The following MAP4K3 variants were observed in gnomAD, a reference collection of about 807,000 sequenced individuals.
MAP4K3 encodes the protein mitogen-activated protein kinase kinase kinase kinase 3.
MAP4K3 carries 94 observed loss-of-function variants against 143.5 expected under a neutral mutation model. The observed-to-expected ratio is 0.65, with a 90% CI of 0.55 to 0.78. The LOEUF is 0.78. MAP4K3 is among the 30% of genes least tolerant of loss of function. The pLI, the probability that MAP4K3 is intolerant of heterozygous loss-of-function variation, is 0.00. For synonymous variants in MAP4K3, 416 were observed against 347.2 expected (o/e 1.20, Z -2.20); for missense variants, 1,077 against 1,068.1 (o/e 1.01, Z -0.12).
intron 12 of MAP4K3, among the ~76,000 whole-genome samples, chr2:39,324,793 T>C (rs550043798): frequency 2.5e-4 from 38 of 152,328 alleles, no homozygotes; most frequent in African/African-American, 7.7e-4. Flanking sequence ...GTGCTAGGAA[T>C]GTTACATATG....
chr2:39,251,356 T>C (rs1680150363), intron 33 of MAP4K3, among the ~76,000 whole-genome samples: 1 of 152,248 alleles, frequency 6.6e-6, no homozygotes, highest in Admixed American at 6.5e-5. Flanking sequence ...TATGTATCTA[T>C]GCCCTAAGCT....
chr2:39,416,420 C>T (rs1667382404), intron 1 of MAP4K3, among the ~76,000 whole-genome samples: 1 of 152,072 alleles, frequency 6.6e-6, no homozygotes, highest in Non-Finnish European at 1.5e-5. Flanking sequence ...GTGCAAGAGA[C>T]ATATGTGAAG....
chr2:39,266,315 T>C (rs1861735), intron 27 of MAP4K3, among the ~76,000 whole-genome samples: 134,760 of 152,166 alleles, frequency 0.89, 59,870 homozygotes, highest in Non-Finnish European at 0.92. Flanking sequence ...CACACCCAGA[T>C]ACTCCTTCCC....
chr2:39,372,545 T>G (rs1015426445), intron 2 of MAP4K3, among the ~76,000 whole-genome samples: 1 of 148,960 alleles, frequency 6.7e-6, no homozygotes, highest in African/African-American at 2.5e-5. Context: ...CAAATTATAC[T>G]ACAGAGCTAT....
chr2:39,257,667 CGG>C (rs1412129798), intron 31 of MAP4K3, among the ~76,000 whole-genome samples: 1 of 151,384 alleles, frequency 6.6e-6, no homozygotes, highest in African/African-American at 2.4e-5. Flanking sequence ...GGGGTGGTGG[CGG>C]GCGCCTGTAA....
At chr2:39,417,921 G>A (rs1667428969) in intron 1 of MAP4K3, among the ~76,000 whole-genome samples, 2 of 152,122 alleles carry the variant, frequency 1.3e-5, no homozygotes, top group Non-Finnish European at 2.9e-5. Context: ...ACAAAATGAT[G>A]GCTGGGTGCA....
chr2:39,285,795 G>A (rs1036274379), intron 21 of MAP4K3, among the ~76,000 whole-genome samples: 16 of 152,150 alleles, frequency 1.1e-4, no homozygotes, highest in African/African-American at 1.7e-4. Flanking sequence ...TATTCATCTT[G>A]TTGACATCTG....
intron 19 of MAP4K3, 62 bp from the exon 20 acceptor site, chr2:39,288,342 A>G: frequency 7.0e-7 from 1 of 1,429,804 alleles, no homozygotes; most frequent in Non-Finnish European, 9.8e-7. Flanking sequence ...TGAAGTAAGT[A>G]CTATTATACA....
intron 2 of MAP4K3, among the ~76,000 whole-genome samples, chr2:39,371,866 C>T (rs1010818858): frequency 6.6e-6 from 1 of 150,868 alleles, no homozygotes; most frequent in African/African-American, 2.4e-5. Context: ...TATCTATATA[C>T]ATCCTCTTGC....
At chr2:39,414,380 G>A (rs992188389) in intron 1 of MAP4K3, among the ~76,000 whole-genome samples, 1 of 152,078 alleles carries the variant, frequency 6.6e-6, no homozygotes, top group Non-Finnish European at 1.5e-5. Flanking sequence ...CTATTGCGGG[G>A]GAATTAAGAG....
In MAP4K3 at chr2:39,284,519, T is replaced by A. The variant is rs558401352; in HGVS notation, c.1588-1965A>T. On this transcript the variant is annotated intron_variant, in intron 21 of 33. Transcript: ENST00000263881. The stretch of plus-strand genomic sequence containing the variant: ...AGTGTTATAACTCTCAGATTTAACC[T>A]AAGCACTAATAGAACTGGTTGTAAA... Among the ~76,000 whole-genome samples, 26 of 152,130 alleles carry A rather than the reference T, an allele frequency of 1.7e-4. No homozygotes were observed. In the South Asian group the frequency reaches 5.4e-3, roughly 32 times the overall value.
At chr2:39,337,665 C>G in intron 4 of MAP4K3, 84 bp from the exon 5 acceptor site, 1 of 814,320 alleles carries the variant, frequency 1.2e-6, no homozygotes, top group African/African-American at 1.7e-5. Context: ...GTTTAAGCAA[C>G]AGACTTAATA....
Position 39,319,351 on chromosome 2 carries a change from A to G in MAP4K3, c.919-3963T>C, listed in dbSNP as rs144033448. Among the ~76,000 whole-genome samples the G allele has an allele frequency of 1.3e-4, 20 of 152,226 alleles. No individual in the cohort carries two copies. In the East Asian group the frequency reaches 3.7e-3, roughly 28 times the overall value. ...CTTATTGTTTCTTCATTCCACGTAC[A>G]GTTTATCCTTGAACAAAAGTTTGAA... On this transcript the variant is annotated intron_variant, in intron 12 of 33. Transcript: ENST00000263881.
At chr2:39,332,215 C>G (rs1011249401) in intron 7 of MAP4K3, among the ~76,000 whole-genome samples, 1 of 151,994 alleles carries the variant, frequency 6.6e-6, no homozygotes, top group African/African-American at 2.4e-5. Flanking sequence ...TATATCCCCA[C>G]ATAAATCAAA....
At chr2:39,343,053 T>A (rs1665186622) in intron 4 of MAP4K3, among the ~76,000 whole-genome samples, 1 of 152,172 alleles carries the variant, frequency 6.6e-6, no homozygotes, top group South Asian at 2.1e-4. Flanking sequence ...ATCTTTGTAT[T>A]ATCACTACTC....
In MAP4K3 at chr2:39,325,550, T is replaced by C; in HGVS notation, c.886A>G (p.Thr296Ala). 1 of 1,612,720 alleles carries C rather than the reference T, an allele frequency of 6.2e-7. No homozygotes were observed. The change falls in exon 12 of 34, where the codon ACT becomes GCT. Residue 296 changes from threonine (T) to alanine (A), a missense_variant. Transcript: ENST00000263881. ...LDKVNNPDHS[T>A]YHDFDDDDPE... ...TCATCATCATCGAAATCATGGTAAG[T>C]GGAATGATCTGGATTATTTACTTTA...
chr2:39,319,412 A>G (rs189171448), intron 12 of MAP4K3, among the ~76,000 whole-genome samples: 137 of 152,224 alleles, frequency 9.0e-4, no homozygotes, highest in African/African-American at 3.2e-3. Flanking sequence ...TTACTTGGGG[A>G]TACAAAACCC....
At chr2:39,357,517 A>G (rs774526631) in intron 2 of MAP4K3, among the ~76,000 whole-genome samples, 9 of 152,190 alleles carry the variant, frequency 5.9e-5, no homozygotes, top group Admixed American at 6.5e-5. Context: ...TGTGAACCCA[A>G]TATCAAAATC....
intron 23 of MAP4K3, among the ~76,000 whole-genome samples, chr2:39,279,297 G>A (rs925228630): frequency 1.3e-5 from 2 of 152,268 alleles, no homozygotes; most frequent in Middle Eastern, 6.8e-3. Context: ...GGAGATTAAT[G>A]GCATAAGATT....
Sources: gnomAD v4.1 joint callset for allele counts (sites outside exome capture counted in the v4.1 genomes callset) on GRCh38, gnomAD v4.1.1 for gene constraint, MANE v1.5 for transcripts, NCBI Gene and HGNC (gene_info 2026-07-23, HGNC 2026-07-21) for gene names.